ZNF577: variants seen among roughly 807,000 people sequenced by gnomAD.
ZNF577 encodes the protein zinc finger protein 577.
A neutral mutation model predicts 13.9 loss-of-function variants in ZNF577; 14 were observed. That is an observed-to-expected ratio of 1.00 (90% CI 0.66 to 1.57). ZNF577 has a LOEUF of 1.57. Ranked by LOEUF, ZNF577 falls within the 40% of genes most tolerant of loss-of-function variation. The pLI, the probability that ZNF577 is intolerant of heterozygous loss-of-function variation, is 0.00. For missense variants in ZNF577, 555 were observed against 579.2 expected, an observed-to-expected ratio of 0.96 and a Z score of 0.43; for synonymous variants, 203 against 202.9, an observed-to-expected ratio of 1.00 and a Z score of 0.00.
chr19:51,856,988 A>G (rs899394597), intron 5 of ZNF577, among the ~76,000 whole-genome samples: 1 of 152,220 alleles, frequency 6.6e-6, no homozygotes, highest in African/African-American at 2.4e-5. Flanking sequence ...ACCAGCTCCA[A>G]CCATGAGTCC....
intron 5 of ZNF577, among the ~76,000 whole-genome samples, chr19:51,875,225 T>C (rs1247782786): frequency 6.6e-6 from 1 of 151,720 alleles, no homozygotes; most frequent in Non-Finnish European, 1.5e-5. Flanking sequence ...TAGCTAGGCG[T>C]GGTGGCAGGT....
intron 9 of ZNF577, among the ~76,000 whole-genome samples, chr19:51,836,938 G>A (rs111593937): frequency 0.072 from 10,978 of 151,600 alleles, 1,179 homozygotes; most frequent in African/African-American, 0.24. Flanking sequence ...CAGCTACTTG[G>A]GAGGCAGAGG....
intron 8 of ZNF577, among the ~76,000 whole-genome samples, chr19:51,842,329 G>A (rs2084325718): frequency 6.6e-6 from 1 of 152,180 alleles, no homozygotes; most frequent in Non-Finnish European, 1.5e-5. Context: ...ACAGGGAAGT[G>A]GGGCCTAATG....
Position 51,824,703 on chromosome 19 carries a change from A to G in ZNF577, c.*600-13029T>C, listed in dbSNP as rs2084219075. ...AGAAAGACTGATTCGCTCTTTGCCC[A>G]CTAGTTTGGAGAGGGCCCTGACTGA... is the stretch of plus-strand genomic sequence containing the variant. On this transcript the variant is annotated intron_variant and NMD_transcript_variant, in intron 9 of 10. Transcript: ENST00000638827. The surrounding 1 kb of genome is among the most constrained non-coding windows in gnomAD (Gnocchi z 4.7). The G allele has an allele frequency of 6.2e-7, 1 of 1,613,866 alleles. No individual in the cohort carries two copies. The highest frequency in any genetic ancestry group is 8.5e-7 in the Non-Finnish European group (1 of 1,179,968).
intron 5 of ZNF577, chr19:51,860,599 C>T (rs2084486736): frequency 6.4e-6 from 1 of 155,772 alleles, no homozygotes; most frequent in African/African-American, 2.4e-5. Context: ...TTAACTCTAT[C>T]GTTTTCCCTT....
chr19:51,876,509 G>A (rs964653056), intron 5 of ZNF577, among the ~76,000 whole-genome samples: 1 of 151,908 alleles, frequency 6.6e-6, no homozygotes. Flanking sequence ...TAAGTCGACA[G>A]AGATGCCCCA....
intron 5 of ZNF577, among the ~76,000 whole-genome samples, chr19:51,876,872 G>A (rs1433411101): frequency 6.7e-6 from 1 of 150,194 alleles, no homozygotes. Flanking sequence ...AGGTTGCAGT[G>A]AGCCAAGATC....
Position 51,832,463 on chromosome 19 carries a change from C to T in ZNF577, c.*599+7430G>A, listed in dbSNP as rs577616795. Among the ~76,000 whole-genome samples the T allele has an allele frequency of 6.6e-5, 10 of 152,106 alleles. No homozygotes were observed. The South Asian group carries it at 2.1e-3, about 32-fold the overall frequency. ...CTCTGCCCCCTGGGCTCAAGTGATC[C>T]TCCTGCCTCAGCCTCCCAAGTAGCT... On this transcript the variant is annotated intron_variant and NMD_transcript_variant, in intron 9 of 10. Transcript: ENST00000638827.
chr19:51,831,308 G>C (rs985950569), intron 9 of ZNF577, among the ~76,000 whole-genome samples: 1 of 152,030 alleles, frequency 6.6e-6, no homozygotes, highest in Non-Finnish European at 1.5e-5. Context: ...GTAGAGATGG[G>C]GTTTCACCAT....
At chr19:51,806,942 A>G (rs1251155756) in intron 10 of ZNF577, among the ~76,000 whole-genome samples, 1 of 152,266 alleles carries the variant, frequency 6.6e-6, no homozygotes, top group Non-Finnish European at 1.5e-5. Flanking sequence ...GATAGGTAGC[A>G]ATACCTAACA....
chr19:51,873,370 G>C lies in ZNF577; in HGVS notation c.620C>G (p.Thr207Ser), dbSNP rs145870126. ...RKIQLTEHQR[T>S]HTGEKPHECS... ...TTCATGGGGCTTCTCTCCTGTGTGA[G>C]TTCTCTGATGCTCAGTGAGCTGAAT... The change falls in exon 6 of 6, where the codon ACT (threonine) becomes AGT (serine). Residue 207 changes from threonine to serine, a missense_variant. Coordinates refer to ENST00000638348, the MANE Select transcript of ZNF577 (RefSeq NM_001370449.1). The C allele has an allele frequency of 1.3e-3, 2,136 of 1,614,184 alleles. 23 individuals are homozygous for C. The African/African-American group carries it at 0.025, about 19-fold the overall frequency.
intron 5 of ZNF577, among the ~76,000 whole-genome samples, chr19:51,858,688 G>T (rs1311157218): frequency 3.3e-5 from 5 of 151,422 alleles, no homozygotes; most frequent in African/African-American, 1.2e-4. Context: ...TATTTCACAT[G>T]GAGGTAAAAA....
intron 9 of ZNF577, among the ~76,000 whole-genome samples, chr19:51,831,116 TATTTA>T (rs2084258929): frequency 6.6e-6 from 1 of 152,160 alleles, no homozygotes; most frequent in Non-Finnish European, 1.5e-5. Context: ...TTCTTTATTT[TATTTA>T]TTTATTTTTT....
rs568658118 is a variant in ZNF577 at position 51,814,457 on chromosome 19, C to T, written c.*600-2783G>A. On this transcript the variant is annotated intron_variant and NMD_transcript_variant, in intron 9 of 10. Transcript: ENST00000638827. Reference sequence around the variant, plus strand: ...ATTGGATAACGGGTACTCTCTCATGCATCTGCCTCACCTCTCAAGGTTTTT... The same window carrying T: ...ATTGGATAACGGGTACTCTCTCATGTATCTGCCTCACCTCTCAAGGTTTTT... Among the ~76,000 whole-genome samples the T allele has an allele frequency of 4.0e-5, 6 of 151,794 alleles. No individual in the cohort carries two copies. In the East Asian group the frequency reaches 1.2e-3, roughly 29 times the overall value.
rs2084589889 is a variant in ZNF577, at chr19:51,867,833, AG to A, written c.*4698del. 6.6e-6 allele frequency among the ~76,000 whole-genome samples: 1 copy of A among 152,084 alleles called. No individual in the cohort carries two copies. The highest frequency in any genetic ancestry group is 1.5e-5 in the Non-Finnish European group (1 of 67,998). ...GCAAACAAACAAAAAGAACAAAGCTAGGGTTGGAAAAAGCCCTCAGAGGTCA... is the reference window on the plus strand; with the variant it reads ...GCAAACAAACAAAAAGAACAAAGCTAGGTTGGAAAAAGCCCTCAGAGGTCA... On this transcript the variant is annotated 3_prime_UTR_variant, in exon 6 of 6. Coordinates refer to ENST00000638348, the MANE Select transcript of ZNF577 (RefSeq NM_001370449.1).
intron 5 of ZNF577, among the ~76,000 whole-genome samples, chr19:51,855,096 A>T (rs2122575085): frequency 6.6e-6 from 1 of 152,290 alleles, no homozygotes; most frequent in Admixed American, 6.5e-5. Flanking sequence ...TTTCCTGAAT[A>T]TGGACTATAC....
intron 4 of ZNF577, 98 bp from the exon 5 acceptor site, chr19:51,877,475 G>C: frequency 1.0e-6 from 1 of 974,872 alleles, no homozygotes; most frequent in East Asian, 2.5e-5. Context: ...TTTGCACTTT[G>C]ATAAAGCAAA....
chr19:51,882,356 T>C (rs1458153361), intron 1 of ZNF577, among the ~76,000 whole-genome samples: 1 of 151,780 alleles, frequency 6.6e-6, no homozygotes, highest in African/African-American at 2.4e-5. Flanking sequence ...CTGGTAAGGA[T>C]AATCTGGATT....
chr19:51,841,167 C>T (rs1468578041), intron 8 of ZNF577, among the ~76,000 whole-genome samples: 1 of 152,184 alleles, frequency 6.6e-6, no homozygotes, highest in Non-Finnish European at 1.5e-5. Flanking sequence ...GCAAGGAACA[C>T]CACTTTCCGC....
Sources: gnomAD v4.1 joint callset for allele counts (sites outside exome capture counted in the v4.1 genomes callset) on GRCh38, gnomAD v4.1.1 for gene constraint, Gnocchi (gnomAD v3.1) non-coding constraint, MANE v1.5 for transcripts, NCBI Gene and HGNC (gene_info 2026-07-23, HGNC 2026-07-21) for gene names.